Variants in EIF3F observed in about 807,000 individuals in gnomAD.
EIF3F encodes the protein deubiquitinating enzyme eIF3f.
A neutral mutation model predicts 36.0 loss-of-function variants in EIF3F; 8 were observed. That is an observed-to-expected ratio of 0.22 (90% CI 0.13 to 0.40). The LOEUF (loss-of-function observed/expected upper bound fraction) is 0.40, where lower values mean the gene tolerates loss of function less well. Among genes scored for constraint, EIF3F ranks in the 10% least tolerant of loss-of-function variants. The pLI is 1.00. For synonymous variants in EIF3F, 184 were observed against 188.5 expected, an observed-to-expected ratio of 0.98 and a Z score of 0.19; for missense variants, 430 against 467.6, an observed-to-expected ratio of 0.92 and a Z score of 0.74.
intron 4 of EIF3F, 82 bp from the exon 5 acceptor site, chr11:7,994,344 C>A: frequency 8.3e-7 from 1 of 1,198,572 alleles, no homozygotes; most frequent in Non-Finnish European, 1.2e-6. Flanking sequence ...CATATTCCTG[C>A]TGTATCTGCT....
intron 4 of EIF3F, 72 bp downstream of exon 4, chr11:7,993,096 G>T: frequency 1.3e-6 from 2 of 1,481,480 alleles, no homozygotes; most frequent in Admixed American, 2.4e-5. Context: ...CCCAAGCAAG[G>T]TTAATTCCTT....
intron 5 of EIF3F, 97 bp from the exon 6 acceptor site, chr11:7,994,885 T>C (rs2065408209): frequency 6.5e-7 from 1 of 1,528,882 alleles, no homozygotes; most frequent in Non-Finnish European, 8.9e-7. Flanking sequence ...ACAGAGTTAG[T>C]AGGACGTTAA....
At chr11:7,989,059 A>G (rs541766248) in intron 1 of EIF3F, among the ~76,000 whole-genome samples, 1 of 152,026 alleles carries the variant, frequency 6.6e-6, no homozygotes, top group Non-Finnish European at 1.5e-5. Flanking sequence ...GCTGTCCTTC[A>G]TTTGTTTAAG....
chr11:7,991,198 A>C (rs1942089617), intron 1 of EIF3F, among the ~76,000 whole-genome samples: 1 of 152,002 alleles, frequency 6.6e-6, no homozygotes, highest in Admixed American at 6.6e-5. Context: ...GTCTCAGAAA[A>C]AAAAAAAAGA....
chr11:7,997,701 A>AT lies in EIF3F; in HGVS notation c.*1679_*1680insT, dbSNP rs1323429149. On this transcript the variant is annotated 3_prime_UTR_variant, in exon 8 of 8. Transcript: ENST00000651655. ...ATGTTGAATGAAAAAAGCTGGTGTC[A>AT]GAAGACATGTACATTATGATACTCC... 1.5e-3 allele frequency: 236 copies of AT among 152,344 alleles called. No individual in the cohort carries two copies. Among genetic ancestry groups the AT allele is most frequent in the African/African-American group, 5.0e-3 (206 of 41,570 alleles). The allele number at this position is 152,344 out of a possible 1,614,324, so 9.4% of individuals were successfully genotyped here. A position where few individuals can be genotyped will look rare whatever the true frequency, so the allele number is the denominator to read the frequency against.
At position 7,995,539 on chromosome 11, in the gene EIF3F, G is replaced by T. The variant is rs114878196; in HGVS notation, c.996+172G>T. The T allele has an allele frequency of 1.4e-3, 876 of 634,452 alleles. 5 individuals are homozygous for T. In the African/African-American group the frequency reaches 0.014, roughly 10 times the overall value. The allele number at this position is 634,452 out of a possible 1,614,324, so 39.3% of individuals were successfully genotyped here. A position where few individuals can be genotyped will look rare whatever the true frequency, so the allele number is the denominator to read the frequency against. On this transcript the variant is annotated intron_variant, in intron 7 of 7. Transcript: ENST00000651655. ...AGGAAGGAAGAGGTGTGTTATGCGT[G>T]GTTGGAGACTTCCTTCCTTCTCCCA...
intron 3 of EIF3F, chr11:7,992,440 C>CA: frequency 2.1e-6 from 1 of 483,820 alleles, no homozygotes; most frequent in Non-Finnish European, 3.7e-6. Context: ...GGCATGATGA[C>CA]ACACACCTAT....
In EIF3F at chr11:7,996,532, A is replaced by G. The variant is rs1942162809; in HGVS notation, c.*510A>G. On this transcript the variant is annotated 3_prime_UTR_variant, in exon 8 of 8. Coordinates refer to ENST00000651655, the MANE Select transcript of EIF3F (RefSeq NM_003754.3). ...TTTGGTTCGGGGAGGCAGAATTAAGATCTGTGGGTTAAAGATTAAAGAGGT... is the reference window on the plus strand; with the variant it reads ...TTTGGTTCGGGGAGGCAGAATTAAGGTCTGTGGGTTAAAGATTAAAGAGGT... The G allele has an allele frequency of 6.5e-6, 1 of 153,040 alleles. No homozygotes were observed. Among genetic ancestry groups the G allele is most frequent in the Non-Finnish European group, 1.5e-5 (1 of 68,656 alleles). 9.5% of individuals were successfully genotyped at this position (153,040 alleles called of 1,614,324 possible). A position where few individuals can be genotyped will look rare whatever the true frequency, so the allele number is the denominator to read the frequency against.
At chr11:7,993,606 A>T (rs952879702) in intron 4 of EIF3F, among the ~76,000 whole-genome samples, 3 of 152,174 alleles carry the variant, frequency 2.0e-5, no homozygotes, top group African/African-American at 7.2e-5. Flanking sequence ...TGGTAGTTGG[A>T]AAGACCATGG....
chr11:7,990,551 C>T (rs1261712174), intron 1 of EIF3F, among the ~76,000 whole-genome samples: 1 of 152,030 alleles, frequency 6.6e-6, no homozygotes, highest in Non-Finnish European at 1.5e-5. Flanking sequence ...AAGTAGCCAA[C>T]AAGATTAGAA....
In EIF3F at chr11:7,995,241, T is replaced by C; in HGVS notation, c.883-13T>C. The C allele has an allele frequency of 6.2e-7, 1 of 1,612,704 alleles. No homozygotes were observed. The highest frequency in any genetic ancestry group is 1.1e-5 in the South Asian group (1 of 90,940). ...AATTAACTGCCTCATCGAGTCTTTG[T>C]TTTGGTACTCAGTCTGGAAAGGTGT... On this transcript the variant is annotated splice_polypyrimidine_tract_variant and intron_variant, in intron 6 of 7. Transcript: ENST00000651655.
chr11:7,987,549 C>T lies in EIF3F; in HGVS notation c.197C>T (p.Ala66Val), dbSNP rs748638890. ...TAAPGQTPAS[A>V]QAPAQTPAPA... Reference sequence around the variant, plus strand: ...GCTCCTGGCCAGACCCCGGCCTCAGCGCAAGCTCCAGCGCAGACCCCAGCG... The same window carrying T: ...GCTCCTGGCCAGACCCCGGCCTCAGTGCAAGCTCCAGCGCAGACCCCAGCG... The change falls in exon 1 of 8, where the codon GCG becomes GTG. Residue 66 changes from alanine (A) to valine (V), a missense_variant. By Grantham distance (64) the Ala-to-Val change is moderately conservative. This residue lies in a region of EIF3F where 168 missense variants were observed against 120.2 expected (regional missense o/e 1.40). Transcript: ENST00000651655. 15 of 1,602,884 alleles carry T rather than the reference C, an allele frequency of 9.4e-6. No homozygotes were observed. Among genetic ancestry groups the T allele is most frequent in the Non-Finnish European group, 1.3e-5 (15 of 1,175,672 alleles).
chr11:7,995,645 G>A, intron 7 of EIF3F: 1 of 580,720 alleles, frequency 1.7e-6, no homozygotes, highest in Non-Finnish European at 3.1e-6. Context: ...CTAAAATTCA[G>A]AGGTTAATGA....
In EIF3F at chr11:8,000,346, TCA is replaced by T. The variant is rs1942206989; in HGVS notation, c.*4327_*4328del. The T allele has an allele frequency of 1.3e-5, 2 of 152,224 alleles. No individual in the cohort carries two copies. The highest frequency in any genetic ancestry group is 4.2e-4 in the South Asian group (2 of 4,818). 9.4% of individuals were successfully genotyped at this position (152,224 alleles called of 1,614,324 possible). On this transcript the variant is annotated 3_prime_UTR_variant, in exon 8 of 8. Coordinates refer to ENST00000651655, the MANE Select transcript of EIF3F (RefSeq NM_003754.3). ...GCCATGATCTCACTTGGATATGGAA[TCA>T]CAAAATTGAACTCACAAGCAGAGTG...
chr11:8,000,393 A>G lies in EIF3F; in HGVS notation c.*4371A>G, dbSNP rs1212868264. On this transcript the variant is annotated 3_prime_UTR_variant, in exon 8 of 8. Coordinates refer to ENST00000651655, the MANE Select transcript of EIF3F (RefSeq NM_003754.3). Reference sequence around the variant, plus strand: ...AGAGTGTAGAAAGGTGGTTTCATGGACTGGAGGGAGGGGATAAATGGGGAG... The same window carrying G: ...AGAGTGTAGAAAGGTGGTTTCATGGGCTGGAGGGAGGGGATAAATGGGGAG... 6.6e-6 allele frequency: 1 copy of G among 152,072 alleles called. No individual in the cohort carries two copies. The highest frequency in any genetic ancestry group is 1.5e-5 in the Non-Finnish European group (1 of 68,030). The allele number at this position is 152,072 out of a possible 1,614,324, so 9.4% of individuals were successfully genotyped here.
At chr11:7,995,619 G>T (rs770213559) in intron 7 of EIF3F, 2 of 580,974 alleles carry the variant, frequency 3.4e-6, no homozygotes, top group African/African-American at 3.7e-5. Context: ...GTCTAAATTC[G>T]TGATGGAAAG....
Position 7,995,836 on chromosome 11 carries a change from A to G in EIF3F, c.997-109A>G, listed in dbSNP as rs1468767750. On this transcript the variant is annotated intron_variant, in intron 7 of 7. Transcript: ENST00000651655. Reference sequence around the variant, plus strand: ...ATTCAGTCTCTCCTAGCTGTCATTTATCCACAGCTGTCCTCATACCCAGTG... The same window carrying G: ...ATTCAGTCTCTCCTAGCTGTCATTTGTCCACAGCTGTCCTCATACCCAGTG... 4 of 854,706 alleles carry G rather than the reference A, an allele frequency of 4.7e-6. No homozygotes were observed. In the Admixed American group the frequency reaches 7.1e-5, roughly 15 times the overall value. 52.9% of individuals were successfully genotyped at this position (854,706 alleles called of 1,614,324 possible). A position where few individuals can be genotyped will look rare whatever the true frequency, so the allele number is the denominator to read the frequency against.
intron 1 of EIF3F, among the ~76,000 whole-genome samples, chr11:7,988,426 C>G (rs1942053725): frequency 6.6e-6 from 1 of 152,186 alleles, no homozygotes; most frequent in South Asian, 2.1e-4. Flanking sequence ...CTGCCCTTAA[C>G]CTTCAGGTCG....
chr11:7,988,608 TAA>T (rs1942055567), intron 1 of EIF3F, among the ~76,000 whole-genome samples: 1 of 152,252 alleles, frequency 6.6e-6, no homozygotes, highest in Admixed American at 6.5e-5. Context: ...TGCCAGATTT[TAA>T]ATAGCTTTGT....
Sources: allele counts gnomAD v4.1 joint callset (sites outside exome capture counted in the v4.1 genomes callset), GRCh38; gene constraint gnomAD v4.1.1; regional missense constraint gnomAD v4.1.1; transcripts MANE v1.5; gene names NCBI Gene and HGNC (gene_info 2026-07-23, HGNC 2026-07-21).